The following MAPK4 variants were observed in gnomAD, a reference collection of about 807,000 sequenced individuals.
MAPK4 encodes Erk3-related.
Under a neutral mutation model 47.7 loss-of-function variants are expected in MAPK4, and 22 were observed. The ratio of observed to expected loss-of-function variants is 0.46; its 90% CI spans 0.33 to 0.66. The LOEUF is 0.66. Ranked by LOEUF, MAPK4 falls within the 30% of genes least tolerant of loss-of-function variation. The probability of loss-of-function intolerance (pLI) is 0.02; values close to 1 mark genes in which losing one functional copy is unlikely to be tolerated. For missense variants in MAPK4, 736 were observed against 831.7 expected (o/e 0.88, Z 1.42); for synonymous variants, 390 against 365.7 (o/e 1.07, Z -0.76).
intron 1 of MAPK4, among the ~76,000 whole-genome samples, chr18:50,641,940 T>C (rs1205246424): frequency 6.6e-6 from 1 of 152,256 alleles, no homozygotes; most frequent in Non-Finnish European, 1.5e-5. Flanking sequence ...GTTTGTATTT[T>C]ACAAAAGCCT....
At chr18:50,585,396 T>G (rs2042379424) in intron 1 of MAPK4, among the ~76,000 whole-genome samples, 1 of 152,218 alleles carries the variant, frequency 6.6e-6, no homozygotes, top group Non-Finnish European at 1.5e-5. Context: ...TGTGCTCTGC[T>G]AGGTGCCAGG....
At chr18:50,632,325 TC>T (rs1040268386) in intron 1 of MAPK4, among the ~76,000 whole-genome samples, 159 of 152,294 alleles carry the variant, frequency 1.0e-3, no homozygotes, top group African/African-American at 3.6e-3. Context: ...AGGCCAATTT[TC>T]TTTTTGTTGC....
chr18:50,563,236 G>A (rs575223964), intron 1 of MAPK4, among the ~76,000 whole-genome samples: 12 of 152,244 alleles, frequency 7.9e-5, no homozygotes, highest in Admixed American at 5.2e-4. Flanking sequence ...GAAAACAAAC[G>A]GGCTTTGCAA....
At chr18:50,646,720 A>T (rs977277752) in intron 1 of MAPK4, among the ~76,000 whole-genome samples, 2 of 151,920 alleles carry the variant, frequency 1.3e-5, no homozygotes, top group Non-Finnish European at 1.5e-5. Context: ...ATCTGGCCCC[A>T]CTTCTTTCCT....
chr18:50,717,489 G>A (rs1568095625), intron 3 of MAPK4, among the ~76,000 whole-genome samples: 1 of 152,170 alleles, frequency 6.6e-6, no homozygotes, highest in South Asian at 2.1e-4. Flanking sequence ...GGGAAGGGAG[G>A]GGGAGAGTGA....
intron 1 of MAPK4, among the ~76,000 whole-genome samples, chr18:50,562,420 A>AT: frequency 3.3e-3 from 1 of 300 alleles, no homozygotes; most frequent in Non-Finnish European, 0.015. Flanking sequence ...TTGGCCAATA[A>AT]AAAAAAAAAA....
chr18:50,729,224 A>G lies in MAPK4; in HGVS notation c.1134A>G (p.Val378=), dbSNP rs1911379178. Residue 378 remains valine, a synonymous_variant, in exon 6 of 6, where the codon GTA becomes GTG. Coordinates refer to ENST00000400384, the MANE Select transcript of MAPK4 (RefSeq NM_002747.4). ...ACCGGTGCCAGGACGCCAGCGAGGT[A>G]CAGCGCGACCCGCGCGCGGGTTCGG... ...RPDRCQDASE[V]QRDPRAGSAP... The G allele has an allele frequency of 3.1e-6, 5 of 1,606,882 alleles. No individual in the cohort carries two copies. The highest frequency in any genetic ancestry group is 4.3e-6 in the Non-Finnish European group (5 of 1,175,260).
At chr18:50,690,938 A>C (rs1206719552) in intron 2 of MAPK4, among the ~76,000 whole-genome samples, 9 of 152,166 alleles carry the variant, frequency 5.9e-5, no homozygotes, top group Admixed American at 3.3e-4. Context: ...GGTGTGAAGG[A>C]ACAAAAGTCT....
intron 2 of MAPK4, among the ~76,000 whole-genome samples, chr18:50,689,900 T>C (rs1334670148): frequency 2.0e-5 from 3 of 152,210 alleles, no homozygotes; most frequent in Non-Finnish European, 4.4e-5. Flanking sequence ...AACAACACTT[T>C]AGGAAGATTG....
chr18:50,620,134 A>C (rs1293068394), intron 1 of MAPK4, among the ~76,000 whole-genome samples: 5 of 152,246 alleles, frequency 3.3e-5, no homozygotes. Flanking sequence ...TCTCTGGCCA[A>C]GTTTTCTCCT....
chr18:50,621,450 C>A (rs1480297967), intron 1 of MAPK4, among the ~76,000 whole-genome samples: 1 of 152,136 alleles, frequency 6.6e-6, no homozygotes, highest in Admixed American at 6.5e-5. Flanking sequence ...GGACACGATC[C>A]TAATGGCAGA....
At chr18:50,568,150 C>T (rs558063843) in intron 1 of MAPK4, among the ~76,000 whole-genome samples, 54 of 149,408 alleles carry the variant, frequency 3.6e-4, no homozygotes, top group African/African-American at 1.2e-3. Flanking sequence ...GAGCCGAGAT[C>T]GGGCCACTGC....
At chr18:50,692,284 C>T (rs1027195389) in intron 2 of MAPK4, among the ~76,000 whole-genome samples, 12 of 152,164 alleles carry the variant, frequency 7.9e-5, no homozygotes, top group East Asian at 1.9e-4. Context: ...CCTCTCTCCG[C>T]GCTCTGGAGG....
chr18:50,573,716 C>T (rs1306490983), intron 1 of MAPK4, among the ~76,000 whole-genome samples: 2 of 152,174 alleles, frequency 1.3e-5, no homozygotes, highest in Non-Finnish European at 2.9e-5. Context: ...CTGCTCTAGA[C>T]TAATTTCTCA....
At chr18:50,648,866 C>G (rs745704811) in intron 1 of MAPK4, among the ~76,000 whole-genome samples, 6 of 152,180 alleles carry the variant, frequency 3.9e-5, no homozygotes, top group Non-Finnish European at 7.3e-5. Flanking sequence ...TGTCCCAGGC[C>G]TTACTCCCAG....
intron 1 of MAPK4, among the ~76,000 whole-genome samples, chr18:50,628,674 G>T (rs112096652): frequency 0.025 from 3,755 of 152,314 alleles, 136 homozygotes; most frequent in African/African-American, 0.081. Context: ...CCCATCAGGA[G>T]CAGAACTAGG....
Position 50,664,355 on chromosome 18 carries a change from C to T in MAPK4, c.397C>T (p.Leu133=). ...GCATGCCAAGCTGTTCATGTACCAG[C>T]TGCTCCGCGGGCTCAAGTACATCCA... ...EEHAKLFMYQ[L]LRGLKYIHSA... The change falls in exon 2 of 6, where the codon CTG becomes TTG. Residue 133 remains leucine (L), a synonymous_variant. Transcript: ENST00000400384. This position sits in a 1 kb window ranked among gnomAD's most constrained non-coding sequence, Gnocchi z 6.0. 1 of 1,613,950 alleles carries T rather than the reference C, an allele frequency of 6.2e-7. No individual in the cohort carries two copies. The highest frequency in any genetic ancestry group is 8.5e-7 in the Non-Finnish European group (1 of 1,180,036).
chr18:50,600,911 C>G (rs913064311), intron 1 of MAPK4, among the ~76,000 whole-genome samples: 3 of 151,548 alleles, frequency 2.0e-5, no homozygotes, highest in African/African-American at 4.9e-5. Flanking sequence ...ATTCCTTGTT[C>G]ATAAACTTGC....
intron 4 of MAPK4, among the ~76,000 whole-genome samples, chr18:50,722,320 T>C (rs1910977799): frequency 6.6e-6 from 1 of 152,242 alleles, no homozygotes; most frequent in Non-Finnish European, 1.5e-5. Context: ...TGTTCTACCC[T>C]TGTTTCTGCT....
Sources: gnomAD v4.1 joint callset for allele counts (sites outside exome capture counted in the v4.1 genomes callset) on GRCh38, gnomAD v4.1.1 for gene constraint, Gnocchi (gnomAD v3.1) non-coding constraint, MANE v1.5 for transcripts, NCBI Gene and HGNC (gene_info 2026-07-23, HGNC 2026-07-21) for gene names.